Variants in DLG2 observed in about 807,000 individuals in gnomAD.
The protein encoded by DLG2 is discs large MAGUK scaffold protein 2.
Under a neutral mutation model 132.5 loss-of-function variants are expected in DLG2, and 45 were observed. The ratio of observed to expected loss-of-function variants is 0.34; its 90% CI spans 0.27 to 0.44. The LOEUF is 0.44. DLG2 is among the 20% of genes least tolerant of loss of function. The pLI is 1.00. For synonymous variants in DLG2, 424 were observed against 419.6 expected, an observed-to-expected ratio of 1.01 and a Z score of -0.13; for missense variants, 1,045 against 1,196.9, an observed-to-expected ratio of 0.87 and a Z score of 1.87.
chr11:84,605,493 ATTACT>A lies in DLG2; in HGVS notation c.358-70767_358-70763del, dbSNP rs369701612. ...TTAATCTAATAGGTGAAAATGCCAC[ATTACT>A]TTAATTCACATTCCATTGCTAACAC... On this transcript the variant is annotated intron_variant, in intron 6 of 27. Transcript: ENST00000376104. Among the ~76,000 whole-genome samples the A allele has an allele frequency of 2.6e-3, 400 of 151,770 alleles. 2 individuals carry two copies. Among genetic ancestry groups the A allele is most frequent in the African/African-American group, 9.4e-3 (391 of 41,424 alleles).
chr11:83,687,193 A>G (rs777083657), intron 18 of DLG2, among the ~76,000 whole-genome samples: 22 of 152,218 alleles, frequency 1.4e-4, no homozygotes, highest in Non-Finnish European at 2.1e-4. Context: ...CAAAATGTTG[A>G]AACAATACAT....
intron 8 of DLG2, among the ~76,000 whole-genome samples, chr11:84,222,241 A>G (rs2096926484): frequency 6.6e-6 from 1 of 152,164 alleles, no homozygotes; most frequent in Non-Finnish European, 1.5e-5. Flanking sequence ...CATGTTGGCC[A>G]GTCTGATCTC....
chr11:83,919,378 C>T (rs1389139318), intron 15 of DLG2, among the ~76,000 whole-genome samples: 1 of 152,054 alleles, frequency 6.6e-6, no homozygotes. Flanking sequence ...CATGCAGAGT[C>T]TCTGAATACC....
At chr11:84,074,469 C>G (rs1175875600) in intron 10 of DLG2, among the ~76,000 whole-genome samples, 1 of 152,064 alleles carries the variant, frequency 6.6e-6, no homozygotes, top group African/African-American at 2.4e-5. Context: ...AACATGTTGG[C>G]TCACGGGTTC....
chr11:83,518,574 A>C (rs2095375706), intron 21 of DLG2, among the ~76,000 whole-genome samples: 1 of 152,208 alleles, frequency 6.6e-6, no homozygotes, highest in Non-Finnish European at 1.5e-5. Context: ...AGATGAACCC[A>C]GTACCTCAGT....
intron 3 of DLG2, among the ~76,000 whole-genome samples, chr11:85,541,386 A>T (rs2075960975): frequency 6.6e-6 from 1 of 151,958 alleles, no homozygotes. Flanking sequence ...GAAATAAGCA[A>T]GTCCAATTTA....
At chr11:84,862,040 G>A (rs1173325178) in intron 6 of DLG2, among the ~76,000 whole-genome samples, 6 of 113,264 alleles carry the variant, frequency 5.3e-5, no homozygotes, top group African/African-American at 9.9e-5. Context: ...CTGTTGTGGG[G>A]TGGGGGGAGG....
intron 7 of DLG2, among the ~76,000 whole-genome samples, chr11:84,528,464 C>G (rs1268221629): frequency 6.6e-6 from 1 of 152,202 alleles, no homozygotes; most frequent in Non-Finnish European, 1.5e-5. Flanking sequence ...GAAAATGATA[C>G]TCAAACCTGT....
chr11:83,553,202 T>A (rs940909339), intron 19 of DLG2, among the ~76,000 whole-genome samples: 12 of 152,202 alleles, frequency 7.9e-5, no homozygotes, highest in Non-Finnish European at 1.3e-4. Context: ...AGTTTCCCCA[T>A]CTGTAAAATG....
At chr11:84,096,256 G>A (rs2097163871) in intron 10 of DLG2, among the ~76,000 whole-genome samples, 1 of 150,642 alleles carries the variant, frequency 6.6e-6, no homozygotes, top group Non-Finnish European at 1.5e-5. Context: ...GTAGAAGATT[G>A]TGTGTGTGTG....
intron 3 of DLG2, among the ~76,000 whole-genome samples, chr11:85,574,474 C>A (rs2078037820): frequency 6.6e-6 from 1 of 151,716 alleles, no homozygotes; most frequent in Non-Finnish European, 1.5e-5. Flanking sequence ...TATTCTTATA[C>A]CTGCCACCCA....
At chr11:83,758,188 C>T (rs1244782614) in intron 18 of DLG2, among the ~76,000 whole-genome samples, 1 of 152,194 alleles carries the variant, frequency 6.6e-6, no homozygotes, top group Non-Finnish European at 1.5e-5. Context: ...TGTGCCTCTG[C>T]TAGACTAATC....
At chr11:84,932,778 T>G (rs2048253626) in intron 6 of DLG2, among the ~76,000 whole-genome samples, 2 of 152,208 alleles carry the variant, frequency 1.3e-5, no homozygotes. Context: ...GCATTTGGGT[T>G]GGTTCTATGA....
intron 8 of DLG2, among the ~76,000 whole-genome samples, chr11:84,212,339 G>A (rs1015706176): frequency 6.6e-6 from 1 of 152,150 alleles, no homozygotes; most frequent in Non-Finnish European, 1.5e-5. Flanking sequence ...CAGGTTCTGT[G>A]GGGCTTGAAT....
At chr11:85,058,338 G>A (rs1268361808) in intron 6 of DLG2, among the ~76,000 whole-genome samples, 1 of 151,430 alleles carries the variant, frequency 6.6e-6, no homozygotes, top group Admixed American at 6.6e-5. Flanking sequence ...GTAATGAGAT[G>A]TTCAAGAATT....
At chr11:84,887,072 T>G (rs566506394) in intron 6 of DLG2, 4 of 152,272 alleles carry the variant, frequency 2.6e-5, no homozygotes, top group Admixed American at 6.5e-5. Flanking sequence ...CAGTCACTTT[T>G]CCTTTTCCAT....
intron 9 of DLG2, among the ~76,000 whole-genome samples, chr11:84,138,140 T>A (rs889194116): frequency 6.6e-6 from 1 of 152,202 alleles, no homozygotes; most frequent in Non-Finnish European, 1.5e-5. Context: ...TGGCTATGTA[T>A]GCAATCTTAT....
chr11:84,474,473 C>T (rs934654076), intron 7 of DLG2, among the ~76,000 whole-genome samples: 5 of 151,874 alleles, frequency 3.3e-5, no homozygotes, highest in African/African-American at 1.2e-4. Flanking sequence ...ATTAAGAGGC[C>T]CCAGGGCTGT....
chr11:83,661,557 A>C (rs1177040988), intron 18 of DLG2, among the ~76,000 whole-genome samples: 2 of 152,176 alleles, frequency 1.3e-5, no homozygotes, highest in African/African-American at 2.4e-5. Context: ...TTATAATATT[A>C]ATTTTTTTTT....
Sources: allele counts gnomAD v4.1 joint callset (sites outside exome capture counted in the v4.1 genomes callset), GRCh38; gene constraint gnomAD v4.1.1; transcripts MANE v1.5; gene names NCBI Gene and HGNC (gene_info 2026-07-23, HGNC 2026-07-21).